Variants in GPHN observed in about 807,000 individuals in gnomAD.
GPHN encodes gephyrin.
Under a neutral mutation model 95.5 loss-of-function variants are expected in GPHN, and 17 were observed. That is an observed-to-expected ratio of 0.18 (90% CI 0.12 to 0.27). The LOEUF is 0.27. GPHN is among the 10% of genes least tolerant of loss of function. GPHN has a pLI of 1.00. For synonymous variants in GPHN, 320 were observed against 322.5 expected (o/e 0.99, Z 0.08); for missense variants, 660 against 978.1 (o/e 0.67, Z 4.34).
intron 1 of GPHN, among the ~76,000 whole-genome samples, chr14:66,584,452 C>T (rs1477325161): frequency 6.6e-6 from 1 of 152,146 alleles, no homozygotes; most frequent in African/African-American, 2.4e-5. Flanking sequence ...GAGAGGGCAT[C>T]CCTGTCTTGT....
chr14:67,070,601 C>G (rs1028729107), intron 11 of GPHN, among the ~76,000 whole-genome samples: 1 of 142,244 alleles, frequency 7.0e-6, no homozygotes, highest in Non-Finnish European at 1.5e-5. Flanking sequence ...GAGGCTGAGG[C>G]AGAAGAATTG....
Position 66,629,113 on chromosome 14 carries a change from ATATATAAATATG to A in GPHN, c.65-51982_65-51971del, listed in dbSNP as rs1391397931. Among the ~76,000 whole-genome samples the A allele has an allele frequency of 7.9e-5, 8 of 101,164 alleles. No individual in the cohort carries two copies. In the East Asian group the frequency reaches 1.9e-3, roughly 24 times the overall value. 66.4% of individuals were successfully genotyped at this position (101,164 alleles called of 152,430 possible). ...TATATATAAATATATATTTATATACATATATAAATATGTATATAAATATATATTTATATACAT... is the reference window on the plus strand; with the variant it reads ...TATATATAAATATATATTTATATACATATATAAATATATATTTATATACAT... On this transcript the variant is annotated intron_variant, in intron 1 of 22. Transcript: ENST00000478722.
chr14:67,047,334 T>TTGTGTGTGTGTGTGTGTGTG (rs778266656), intron 10 of GPHN, among the ~76,000 whole-genome samples: 8 of 109,702 alleles, frequency 7.3e-5, no homozygotes, highest in African/African-American at 2.6e-4. Flanking sequence ...GTGTGTGTGT[T>TTGTGTGTGTGTGTGTGTGTG]TGTGTGTGTG....
rs147584907 is a variant in GPHN, at chr14:67,177,211, A to G, written c.2080-2367A>G. On this transcript the variant is annotated intron_variant, in intron 21 of 22. Transcript: ENST00000478722. ...ATCTTTCCTGCTTTTTCTTGTGGGC[A>G]TTTAGTGCTATAAATTTCCCTCTAC... 2.9e-3 allele frequency among the ~76,000 whole-genome samples: 436 copies of G among 152,244 alleles called. 11 individuals are homozygous for G. Among genetic ancestry groups the G allele is most frequent in the East Asian group, 0.017 (90 of 5,184 alleles).
the GPHN span, among the ~76,000 whole-genome samples, chr14:67,511,046 C>G: frequency 6.6e-6 from 1 of 152,162 alleles, no homozygotes; most frequent in African/African-American, 2.4e-5. Context: ...CTCCTCAGGG[C>G]TGATGTCAAG....
At chr14:67,266,121 A>T in the GPHN span, among the ~76,000 whole-genome samples, 1 of 151,942 alleles carries the variant, frequency 6.6e-6, no homozygotes. Context: ...AACTTCTTTT[A>T]TATTGTGCCC....
At chr14:66,539,053 G>T (rs559196094) in intron 1 of GPHN, among the ~76,000 whole-genome samples, 4 of 152,148 alleles carry the variant, frequency 2.6e-5, no homozygotes, top group South Asian at 2.1e-4. Flanking sequence ...TCAGATTTTT[G>T]ATTGAAAGAC....
chr14:66,778,468 C>G (rs933977665), intron 3 of GPHN, among the ~76,000 whole-genome samples: 1 of 152,054 alleles, frequency 6.6e-6, no homozygotes, highest in African/African-American at 2.4e-5. Flanking sequence ...TAACATTTTA[C>G]TAAGTCTTAT....
At chr14:67,269,462 T>C in the GPHN span, among the ~76,000 whole-genome samples, 6 of 152,296 alleles carry the variant, frequency 3.9e-5, no homozygotes, top group East Asian at 1.2e-3. Flanking sequence ...AATGTGTTAT[T>C]GGAAAGTTTC....
chr14:67,149,854 C>A (rs1291566687), intron 18 of GPHN, among the ~76,000 whole-genome samples: 1 of 152,120 alleles, frequency 6.6e-6, no homozygotes, highest in Non-Finnish European at 1.5e-5. Flanking sequence ...TCAACACATT[C>A]ATTAACATGA....
chr14:67,330,583 C>T, the GPHN span, among the ~76,000 whole-genome samples: 3 of 151,670 alleles, frequency 2.0e-5, no homozygotes, highest in East Asian at 2.0e-4. Context: ...CTCAGCCTCC[C>T]GAGTAGCTGG....
At chr14:67,651,528 T>C in the GPHN span, 1 of 1,602,502 alleles carries the variant, frequency 6.2e-7, no homozygotes, top group Non-Finnish European at 8.5e-7. Context: ...TTGGATAACC[T>C]TCCTTCTAAA....
intron 8 of GPHN, among the ~76,000 whole-genome samples, chr14:66,950,884 A>G (rs893321208): frequency 6.6e-6 from 1 of 152,110 alleles, no homozygotes; most frequent in Non-Finnish European, 1.5e-5. Context: ...CTGTAAAAAC[A>G]TAGGAAATAA....
intron 18 of GPHN, among the ~76,000 whole-genome samples, chr14:67,150,925 A>T (rs1354195806): frequency 6.6e-6 from 1 of 152,178 alleles, no homozygotes; most frequent in Non-Finnish European, 1.5e-5. Context: ...TCCTAATTAT[A>T]TGAACTCACA....
At chr14:67,569,256 G>C in the GPHN span, 1 of 1,399,824 alleles carries the variant, frequency 7.1e-7, no homozygotes, top group East Asian at 2.3e-5. Context: ...AAACACCCAA[G>C]GTGGGCAGGG....
chr14:67,011,014 G>C (rs1200105142), intron 9 of GPHN, among the ~76,000 whole-genome samples: 1 of 152,008 alleles, frequency 6.6e-6, no homozygotes, highest in Non-Finnish European at 1.5e-5. Flanking sequence ...AAAGTGTTTT[G>C]GGGTATTGAA....
chr14:66,927,841 G>T (rs2066566217), intron 8 of GPHN, among the ~76,000 whole-genome samples: 1 of 152,120 alleles, frequency 6.6e-6, no homozygotes, highest in Admixed American at 6.5e-5. Flanking sequence ...GTATCACATT[G>T]ATTGATTTGC....
At chr14:67,696,999 G>T in the GPHN span, among the ~76,000 whole-genome samples, 1 of 152,090 alleles carries the variant, frequency 6.6e-6, no homozygotes, top group Non-Finnish European at 1.5e-5. Flanking sequence ...TCATTATTGT[G>T]TTACCTAATA....
chr14:67,562,736 A>G, the GPHN span: 1 of 1,613,726 alleles, frequency 6.2e-7, no homozygotes, highest in South Asian at 1.1e-5. Flanking sequence ...GTCCCGAGCT[A>G]GGTCCCGGGA....
Sources: gnomAD v4.1 joint callset for allele counts (sites outside exome capture counted in the v4.1 genomes callset) on GRCh38, gnomAD v4.1.1 for gene constraint, MANE v1.5 for transcripts, NCBI Gene and HGNC (gene_info 2026-07-23, HGNC 2026-07-21) for gene names.